The following LMF1 variants were observed in gnomAD, a reference collection of about 807,000 sequenced individuals.
LMF1 encodes transmembrane protein 112.
A neutral mutation model predicts 60.6 loss-of-function variants in LMF1; 68 were observed. That is an observed-to-expected ratio of 1.12 (90% CI 0.92 to 1.37). LMF1 has a LOEUF of 1.37. LMF1 is among the 40% of genes most tolerant of loss of function. The probability of loss-of-function intolerance (pLI) is 0.00; values close to 1 mark genes in which losing one functional copy is unlikely to be tolerated. For synonymous variants in LMF1, 418 were observed against 324.7 expected, an observed-to-expected ratio of 1.29 and a Z score of -3.09; for missense variants, 948 against 767.2, an observed-to-expected ratio of 1.24 and a Z score of -2.78.
chr16:869,724 T>A (rs1167351490), intron 9 of LMF1, among the ~76,000 whole-genome samples, 159 bp downstream of exon 9: 2 of 152,100 alleles, frequency 1.3e-5, no homozygotes, highest in Non-Finnish European at 2.9e-5. Context: ...TGGGCCTGGA[T>A]GTCGTGTGGG....
chr16:934,000 G>A, intron 3 of LMF1: 2 of 1,476,856 alleles, frequency 1.4e-6, no homozygotes, highest in South Asian at 2.4e-5. Flanking sequence ...CCTGTGAGAT[G>A]CCGACAATCA....
In LMF1 at chr16:970,836, A is replaced by C. The variant is rs965954981; in HGVS notation, c.145T>G (p.Phe49Val). ...AGGAGCACGATCCGGGTCAGCCAGAAGGTGCCCGTGTGGAGATGGGCCGGA... is the reference window on the plus strand; with the variant it reads ...AGGAGCACGATCCGGGTCAGCCAGACGGTGCCCGTGTGGAGATGGGCCGGA... ...GSPAHLHTGT[F>V]WLTRIVLLKA... The change falls in exon 1 of 11, where the codon TTC becomes GTC. Residue 49 changes from phenylalanine to valine, a missense_variant. Physicochemically the swap from Phe to Val is conservative, Grantham distance 50 (BLOSUM62 -1). Transcript: ENST00000262301. 2 of 1,551,334 alleles carry C rather than the reference A, an allele frequency of 1.3e-6. No homozygotes were observed. Among genetic ancestry groups the C allele is most frequent in the Admixed American group, 3.9e-5 (2 of 51,546 alleles).
chr16:946,966 C>T (rs1044056253), intron 2 of LMF1, among the ~76,000 whole-genome samples: 1 of 152,258 alleles, frequency 6.6e-6, no homozygotes, highest in African/African-American at 2.4e-5. Context: ...GACTAATCCC[C>T]GTCTAGCCAG....
intron 5 of LMF1, among the ~76,000 whole-genome samples, chr16:889,706 C>T (rs1427996574): frequency 3.9e-5 from 6 of 152,154 alleles, no homozygotes; most frequent in East Asian, 1.9e-4. Flanking sequence ...GCAGAGGGCA[C>T]GGCTCGGGGG....
intron 3 of LMF1, among the ~76,000 whole-genome samples, chr16:916,631 G>A (rs1430337530): frequency 6.6e-6 from 1 of 152,150 alleles, no homozygotes; most frequent in African/African-American, 2.4e-5. Flanking sequence ...ACATGGCCCC[G>A]GGACACCAGG....
At chr16:867,922 C>T (rs2069659158) in intron 10 of LMF1, among the ~76,000 whole-genome samples, 2 of 152,296 alleles carry the variant, frequency 1.3e-5, no homozygotes, top group Non-Finnish European at 2.9e-5. Flanking sequence ...CCTCCGGCTC[C>T]TTGGCTGGGG....
chr16:855,898 G>A (rs1020835424), intron 10 of LMF1: 1 of 456,042 alleles, frequency 2.2e-6, no homozygotes, highest in South Asian at 1.5e-5. Flanking sequence ...TAGGCTGGCA[G>A]GGTGAGGGCC....
intron 4 of LMF1, chr16:893,338 C>T: frequency 1.7e-6 from 1 of 584,146 alleles, no homozygotes; most frequent in Non-Finnish European, 3.2e-6. Flanking sequence ...CCCCAACACT[C>T]ATTCTCAGAG....
intron 1 of LMF1, among the ~76,000 whole-genome samples, chr16:958,231 A>G (rs1316755592): frequency 6.6e-6 from 1 of 152,254 alleles, no homozygotes; most frequent in Non-Finnish European, 1.5e-5. Context: ...ATGAAATTAG[A>G]AACTGTAAAT....
intron 3 of LMF1, among the ~76,000 whole-genome samples, chr16:918,988 T>C (rs2071356503): frequency 6.6e-6 from 1 of 151,996 alleles, no homozygotes; most frequent in African/African-American, 2.4e-5. Context: ...CGGCACCTGC[T>C]CCTCCCACGG....
Position 871,188 on chromosome 16 carries a change from G to A in LMF1, c.1051C>T (p.Arg351Ter), listed in dbSNP as rs1394058307. The change falls in exon 7 of 11, where the codon CGA (arginine) becomes TGA (stop). Residue 351 changes from arginine to a stop codon, truncating the protein, a stop_gained. Coordinates refer to ENST00000262301, the MANE Select transcript of LMF1 (RefSeq NM_022773.4). LOFTEE classifies it high-confidence loss of function. Reference protein sequence around the residue: ...DRVLQMQRDIRGARPEPRFGS... With the variant: ...DRVLQMQRDI ...AATCTGGGCTCGGGCCGGGCCCCTC[G>A]GATGTCCCTCTGCATCTGCAGAACT... 3.7e-6 allele frequency: 6 copies of A among 1,607,488 alleles called. No homozygotes were observed. Among genetic ancestry groups the A allele is most frequent in the South Asian group, 3.3e-5 (3 of 90,080 alleles).
chr16:976,776 A>G lies in LMF1; in HGVS notation c.-135+4369T>C, dbSNP rs1196188150. The G allele has an allele frequency of 2.0e-5, 9 of 454,002 alleles. No homozygotes were observed. In the Admixed American group the frequency reaches 2.1e-4, roughly 11 times the overall value. 28.1% of individuals were successfully genotyped at this position (454,002 alleles called of 1,614,324 possible). ...CGACACATCCGTGATCTGGGCGTGC[A>G]CCTGTCACTGGGGAGAGAGCAGTGC... is the stretch of plus-strand genomic sequence containing the variant. On this transcript the variant is annotated intron_variant, in intron 1 of 6. Transcript: ENST00000570014.
chr16:914,751 G>A (rs1283916688), intron 3 of LMF1, among the ~76,000 whole-genome samples: 1 of 84,620 alleles, frequency 1.2e-5, no homozygotes, highest in Non-Finnish European at 2.2e-5. Context: ...ATGACTATTG[G>A]TGACACATTC....
At position 970,912 on chromosome 16, in the gene LMF1, C is replaced by G. The variant is rs376435070; in HGVS notation, c.69G>C (p.Ser23=). Residue 23 remains serine, a synonymous_variant, in exon 1 of 11, where the codon TCG becomes TCC. Coordinates refer to ENST00000262301, the MANE Select transcript of LMF1 (RefSeq NM_022773.4). ...ESLRRRKTGY[S]DPEPESPPAP... The stretch of plus-strand genomic sequence containing the variant: ...CGGGCGGCGACTCAGGCTCCGGATC[C>G]GAGTACCCAGTCTTCCGCCTCCTCA... 3.6e-5 allele frequency: 57 copies of G among 1,580,478 alleles called. No homozygotes were observed. The highest frequency in any genetic ancestry group is 1.7e-5 in the Admixed American group (1 of 57,456).
chr16:891,973 C>T (rs2070502141), intron 5 of LMF1, among the ~76,000 whole-genome samples: 1 of 152,184 alleles, frequency 6.6e-6, no homozygotes, highest in Admixed American at 6.5e-5. Flanking sequence ...GCTCACGGGT[C>T]CTCAGCAAGG....
intron 4 of LMF1, among the ~76,000 whole-genome samples, chr16:893,556 T>A (rs2070558532): frequency 6.6e-6 from 1 of 152,048 alleles, no homozygotes; most frequent in Admixed American, 6.5e-5. Context: ...CCCGTGTGTC[T>A]CCCACACACT....
At chr16:893,484 C>A (rs1222090707) in intron 4 of LMF1, 1 of 441,600 alleles carries the variant, frequency 2.3e-6, no homozygotes, top group Non-Finnish European at 4.6e-6. Context: ...TCGGAGGGAG[C>A]ACCCAGTGCA....
intron 10 of LMF1, among the ~76,000 whole-genome samples, chr16:861,677 GT>G (rs2151688899): frequency 6.6e-6 from 1 of 152,258 alleles, no homozygotes; most frequent in East Asian, 1.9e-4. Context: ...TTCTAGGAGT[GT>G]TTTTGGTGGA....
chr16:968,908 G>A (rs2072981595), intron 1 of LMF1: 1 of 152,234 alleles, frequency 6.6e-6, no homozygotes, highest in Admixed American at 6.5e-5. Context: ...CCCTGTGGAA[G>A]GCCTATTAGA....
Sources: allele counts gnomAD v4.1 joint callset (sites outside exome capture counted in the v4.1 genomes callset), GRCh38; gene constraint gnomAD v4.1.1; transcripts MANE v1.5; gene names NCBI Gene and HGNC (gene_info 2026-07-23, HGNC 2026-07-21).